Variants in SPEN observed in about 807,000 individuals in gnomAD.
SPEN encodes the protein spen family transcriptional repressor, also known as msx2-interacting protein.
In SPEN, 18 loss-of-function variants were observed where a neutral mutation model predicts 269.9. That is an observed-to-expected ratio of 0.07 (90% CI 0.05 to 0.10). The LOEUF (loss-of-function observed/expected upper bound fraction) is 0.10. Among genes scored for constraint, SPEN ranks in the 10% least tolerant of loss-of-function variants. The pLI is 1.00. For missense variants in SPEN, 3,822 were observed against 4,631.2 expected (o/e 0.83, Z 5.07); for synonymous variants, 1,726 against 1,765.7 (o/e 0.98, Z 0.56).
chr1:15,919,290 C>A, intron 7 of SPEN, 114 bp from the exon 8 acceptor site: 2 of 751,116 alleles, frequency 2.7e-6, no homozygotes, highest in Non-Finnish European at 4.3e-6. Flanking sequence ...ATGTTTCCCA[C>A]TTGAGATGTT....
intron 13 of SPEN, 73 bp from the exon 14 acceptor site, chr1:15,938,645 A>G: frequency 7.0e-7 from 1 of 1,425,628 alleles, no homozygotes; most frequent in South Asian, 1.3e-5. Flanking sequence ...TGTGGACCTG[A>G]TACTGTGGGT....
Position 15,928,760 on chromosome 1 carries a change from A to G in SPEN, c.2520A>G (p.Gln840=), listed in dbSNP as rs771071798. Residue 840 remains glutamine (Q), a synonymous_variant, in exon 11 of 15, where the codon CAA becomes CAG. Transcript: ENST00000375759. This position sits in a 1 kb window ranked among gnomAD's most constrained non-coding sequence, Gnocchi z 5.7. The part of the protein sequence containing the change: ...SPSSQSSETD[Q]ENEREQSPEK... ...GTTCTCAGTCTTCAGAAACGGACCA[A>G]GAAAATGAGCGAGAGCAAAGCCCTG... 1.5e-5 allele frequency: 24 copies of G among 1,614,046 alleles called. No homozygotes were observed. The highest frequency in any genetic ancestry group is 2.0e-5 in the Non-Finnish European group (24 of 1,180,054).
chr1:15,896,393 A>T (rs1274753734), intron 3 of SPEN, among the ~76,000 whole-genome samples: 1 of 150,544 alleles, frequency 6.6e-6, no homozygotes, highest in Non-Finnish European at 1.5e-5. Context: ...ACGTGGTTTC[A>T]CTATATTGGT....
intron 1 of SPEN, among the ~76,000 whole-genome samples, chr1:15,857,136 T>C (rs1487879262): frequency 6.6e-6 from 1 of 151,554 alleles, no homozygotes; most frequent in Non-Finnish European, 1.5e-5. Flanking sequence ...GATCACTGCT[T>C]ACTGTGTCCC....
chr1:15,855,802 G>T (rs1305980255), intron 1 of SPEN, among the ~76,000 whole-genome samples: 1 of 151,382 alleles, frequency 6.6e-6, no homozygotes, highest in Non-Finnish European at 1.5e-5. Context: ...GGTGGAGGGT[G>T]CAGTGAGCCA....
chr1:15,933,090 C>T lies in SPEN; in HGVS notation c.6850C>T (p.Pro2284Ser), dbSNP rs2071238149. The T allele has an allele frequency of 1.2e-6, 2 of 1,614,144 alleles. No individual in the cohort carries two copies. Among genetic ancestry groups the T allele is most frequent in the Non-Finnish European group, 1.7e-6 (2 of 1,179,980 alleles). ...ETEAATESSR[P>S]PVNAPDPSAG... Reference sequence around the variant, plus strand: ...TGAGGCTGCTACAGAATCTTCTAGGCCTCCAGTCAATGCTCCTGACCCCTC... The same window carrying T: ...TGAGGCTGCTACAGAATCTTCTAGGTCTCCAGTCAATGCTCCTGACCCCTC... Residue 2284 changes from proline (P) to serine (S), a missense_variant, in exon 11 of 15, where the codon CCT becomes TCT. Physicochemically the swap from Pro to Ser is moderately conservative, Grantham distance 74 (BLOSUM62 -1). Coordinates refer to ENST00000375759, the MANE Select transcript of SPEN (RefSeq NM_015001.3). This position sits in a 1 kb window ranked among gnomAD's most constrained non-coding sequence, Gnocchi z 5.7.
At chr1:15,920,632 G>A (rs186592533) in intron 8 of SPEN, among the ~76,000 whole-genome samples, 17 of 151,794 alleles carry the variant, frequency 1.1e-4, no homozygotes, top group Admixed American at 9.8e-4. Context: ...AAATACAGAA[G>A]AACAAAATAA....
intron 8 of SPEN, among the ~76,000 whole-genome samples, chr1:15,920,401 A>G (rs2071107159): frequency 6.6e-6 from 1 of 152,194 alleles, no homozygotes; most frequent in African/African-American, 2.4e-5. Flanking sequence ...TTAGAGAAAT[A>G]CACATCTTAA....
intron 3 of SPEN, among the ~76,000 whole-genome samples, chr1:15,886,503 G>C (rs2070737666): frequency 6.6e-6 from 1 of 152,162 alleles, no homozygotes; most frequent in Non-Finnish European, 1.5e-5. Flanking sequence ...CGGCTGCTGC[G>C]TGGTGACTGG....
chr1:15,849,903 A>ACAAG (rs1280202126), intron 1 of SPEN, among the ~76,000 whole-genome samples: 1 of 152,138 alleles, frequency 6.6e-6, no homozygotes, highest in African/African-American at 2.4e-5. Context: ...GCACCGATGT[A>ACAAG]CAAGCACGTG....
chr1:15,902,255 G>A (rs762628079), intron 3 of SPEN, among the ~76,000 whole-genome samples: 3 of 152,136 alleles, frequency 2.0e-5, no homozygotes, highest in Non-Finnish European at 2.9e-5. Flanking sequence ...GTCTGGTTTA[G>A]TAAGATAGTT....
intron 1 of SPEN, among the ~76,000 whole-genome samples, chr1:15,864,679 T>C (rs899231555): frequency 5.4e-5 from 8 of 147,618 alleles, no homozygotes; most frequent in Non-Finnish European, 1.0e-4. Flanking sequence ...GGTGTGATCA[T>C]GCCCACTGCA....
intron 3 of SPEN, among the ~76,000 whole-genome samples, chr1:15,887,170 C>T (rs947061266): frequency 1.3e-5 from 2 of 151,640 alleles, no homozygotes; most frequent in African/African-American, 4.8e-5. Flanking sequence ...GAGATGGAGT[C>T]TCACTGTGTT....
In SPEN at chr1:15,897,448, C is replaced by T. The variant is rs577989773; in HGVS notation, c.882-11873C>T. 1.6e-4 allele frequency among the ~76,000 whole-genome samples: 25 copies of T among 152,072 alleles called. 2 individuals carry two copies. The South Asian group carries it at 2.9e-3, about 18-fold the overall frequency. ...CGTAGTCTCGGCTAACCGCAACCTC[C>T]GCCTTCTGGGTTCAAGCGATTCTCC... On this transcript the variant is annotated intron_variant, in intron 3 of 14. Coordinates refer to ENST00000375759, the MANE Select transcript of SPEN (RefSeq NM_015001.3).
At chr1:15,938,993 A>G (rs909621182) in intron 14 of SPEN, 117 bp downstream of exon 14, 3 of 1,352,392 alleles carry the variant, frequency 2.2e-6, no homozygotes, top group African/African-American at 2.9e-5. Flanking sequence ...GCAAAGGGGC[A>G]TTTTGGACAG....
chr1:15,909,180 G>T, intron 3 of SPEN, 141 bp from the exon 4 acceptor site: 3 of 790,410 alleles, frequency 3.8e-6, no homozygotes, highest in Non-Finnish European at 6.1e-6. Flanking sequence ...GGTAGAGTAC[G>T]AGATAGATGT....
At chr1:15,852,773 C>T (rs1484051207) in intron 1 of SPEN, among the ~76,000 whole-genome samples, 1 of 152,164 alleles carries the variant, frequency 6.6e-6, no homozygotes, top group Admixed American at 6.5e-5. Context: ...TTTCAAGTTT[C>T]CCTTTCCCCC....
In SPEN at chr1:15,939,388, C is replaced by T. The variant is rs1344178710; in HGVS notation, c.10956C>T (p.Asn3652=). The T allele has an allele frequency of 5.0e-6, 8 of 1,606,536 alleles. No homozygotes were observed. The highest frequency in any genetic ancestry group is 2.7e-5 in the African/African-American group (2 of 74,654). The change falls in exon 15 of 15, where the codon AAC becomes AAT. Residue 3652 remains asparagine (N), a synonymous_variant. Transcript: ENST00000375759. This position sits in a 1 kb window ranked among gnomAD's most constrained non-coding sequence, Gnocchi z 4.1. ...LAPDLLASIS[N]ISPHLMIVIA... ...CTGACCTCCTTGCCAGCATCTCCAA[C>T]ATCTCTCCCCACCTCATGATTGTCA... is the stretch of plus-strand genomic sequence containing the variant.
intron 10 of SPEN, 66 bp downstream of exon 10, chr1:15,922,415 G>T (rs2071128128): frequency 2.7e-6 from 3 of 1,118,542 alleles, no homozygotes; most frequent in Non-Finnish European, 3.9e-6. Context: ...ACTTAAGATG[G>T]CATTAAATTT....
Sources: gnomAD v4.1 joint callset for allele counts (sites outside exome capture counted in the v4.1 genomes callset) on GRCh38, gnomAD v4.1.1 for gene constraint, Gnocchi (gnomAD v3.1) non-coding constraint, MANE v1.5 for transcripts, NCBI Gene and HGNC (gene_info 2026-07-23, HGNC 2026-07-21) for gene names.